RPH3A: variants seen among roughly 807,000 people sequenced by gnomAD.
The protein encoded by RPH3A is rabphilin 3A.
RPH3A carries 48 observed loss-of-function variants against 102.2 expected under a neutral mutation model. The ratio of observed to expected loss-of-function variants is 0.47; its 90% CI spans 0.37 to 0.60. The LOEUF (loss-of-function observed/expected upper bound fraction) is 0.60, where lower values mean the gene tolerates loss of function less well. Among genes scored for constraint, RPH3A ranks in the 20% least tolerant of loss-of-function variants. The pLI is 0.00. For missense variants in RPH3A, 781 were observed against 910.1 expected, an observed-to-expected ratio of 0.86 and a Z score of 1.83; for synonymous variants, 310 against 324.3, an observed-to-expected ratio of 0.96 and a Z score of 0.47.
chr12:112,762,488 C>T (rs2189271), intron 1 of RPH3A, among the ~76,000 whole-genome samples: 85,240 of 151,936 alleles, frequency 0.56, 24,082 homozygotes, highest in East Asian at 0.79. Flanking sequence ...CCTTGCAAAC[C>T]CCATTTTCTC....
intron 19 of RPH3A, chr12:112,891,259 C>T: frequency 2.0e-6 from 1 of 498,698 alleles, no homozygotes. Flanking sequence ...CTGCTGATGG[C>T]TCTGCAACTA....
intron 2 of RPH3A, among the ~76,000 whole-genome samples, chr12:112,826,757 C>T (rs764383703): frequency 3.9e-5 from 6 of 152,178 alleles, no homozygotes; most frequent in South Asian, 2.1e-4. Flanking sequence ...GTGTTACATG[C>T]GCTGTATCAG....
intron 2 of RPH3A, among the ~76,000 whole-genome samples, chr12:112,809,902 G>A (rs1018874396): frequency 1.8e-4 from 27 of 152,176 alleles, no homozygotes; most frequent in South Asian, 8.3e-4. Context: ...ACCTTTCCCC[G>A]CCTCCTCTTA....
chr12:112,596,536 G>A (rs189748306), intron 1 of RPH3A, among the ~76,000 whole-genome samples: 12 of 152,308 alleles, frequency 7.9e-5, no homozygotes, highest in African/African-American at 2.4e-4. Flanking sequence ...TCGGGTGACT[G>A]GATGTGTGTG....
At chr12:112,788,768 A>G (rs2041067826), upstream of RPH3A, among the ~76,000 whole-genome samples, 1 of 152,154 alleles carries the variant, frequency 6.6e-6, no homozygotes, top group South Asian at 2.1e-4. Context: ...TGGGATTGGA[A>G]GCCAAGAGGC....
chr12:112,821,018 A>G (rs1341671380), intron 2 of RPH3A, among the ~76,000 whole-genome samples: 1 of 152,212 alleles, frequency 6.6e-6, no homozygotes, highest in Non-Finnish European at 1.5e-5. Context: ...AGTCGGCTTC[A>G]GGGAAGGCTG....
At chr12:112,678,881 G>A (rs73417179) in intron 1 of RPH3A, among the ~76,000 whole-genome samples, 9,520 of 152,180 alleles carry the variant, frequency 0.063, 978 homozygotes, top group African/African-American at 0.21. Context: ...ATAGAGCCCT[G>A]GAGCCTGTGA....
intron 1 of RPH3A, among the ~76,000 whole-genome samples, chr12:112,696,335 T>C (rs1490452343): frequency 6.6e-6 from 1 of 152,242 alleles, no homozygotes; most frequent in East Asian, 1.9e-4. Context: ...CTTCTTTTCC[T>C]TTGGGTAGAT....
At chr12:112,828,511 G>A (rs1265686753) in intron 3 of RPH3A, 122 bp downstream of exon 3, 5 of 697,168 alleles carry the variant, frequency 7.2e-6, no homozygotes, top group African/African-American at 1.8e-5. Flanking sequence ...GAACCTAATG[G>A]GAGTTTAGTC....
At chr12:112,878,431 G>C (rs1194624974) in intron 13 of RPH3A, among the ~76,000 whole-genome samples, 1 of 152,046 alleles carries the variant, frequency 6.6e-6, no homozygotes, top group Non-Finnish European at 1.5e-5. Context: ...ATGGTTTATT[G>C]AGCATGTACA....
intron 4 of RPH3A, among the ~76,000 whole-genome samples, chr12:112,845,261 C>G (rs1289687219): frequency 6.6e-6 from 1 of 152,134 alleles, no homozygotes; most frequent in Non-Finnish European, 1.5e-5. Context: ...TTGCTCTACT[C>G]CAGCCTTTTT....
intron 3 of RPH3A, among the ~76,000 whole-genome samples, chr12:112,834,364 C>G (rs779940329): frequency 6.6e-6 from 1 of 152,148 alleles, no homozygotes; most frequent in Non-Finnish European, 1.5e-5. Flanking sequence ...TGCCACAGTT[C>G]ATTTACTCAT....
At chr12:112,706,435 T>C (rs1157318347) in intron 1 of RPH3A, among the ~76,000 whole-genome samples, 1 of 152,178 alleles carries the variant, frequency 6.6e-6, no homozygotes, top group Non-Finnish European at 1.5e-5. Context: ...CTTCCTTCTA[T>C]TCTCTTCTCC....
intron 1 of RPH3A, among the ~76,000 whole-genome samples, chr12:112,581,138 T>A (rs1296156006): frequency 2.0e-5 from 3 of 152,204 alleles, no homozygotes; most frequent in Non-Finnish European, 4.4e-5. Flanking sequence ...TATTAGTCTG[T>A]TCTCATGCTG....
intron 1 of RPH3A, among the ~76,000 whole-genome samples, chr12:112,688,762 A>C (rs1249245298): frequency 2.0e-5 from 3 of 152,184 alleles, no homozygotes; most frequent in Non-Finnish European, 4.4e-5. Context: ...TTTCATTAGG[A>C]GGTATGTCAA....
At chr12:112,769,768 C>G (rs1252339029) in intron 1 of RPH3A, among the ~76,000 whole-genome samples, 2 of 152,134 alleles carry the variant, frequency 1.3e-5, no homozygotes, top group Non-Finnish European at 2.9e-5. Context: ...TTTCTGAACC[C>G]TTTAATGAAG....
intron 2 of RPH3A, among the ~76,000 whole-genome samples, chr12:112,808,534 C>A (rs983806438): frequency 1.3e-5 from 2 of 152,198 alleles, no homozygotes; most frequent in Non-Finnish European, 2.9e-5. Context: ...TCAGCCTCCC[C>A]TGGCTTTCCC....
intron 1 of RPH3A, among the ~76,000 whole-genome samples, chr12:112,640,574 T>C (rs569758051): frequency 6.6e-6 from 1 of 152,204 alleles, no homozygotes; most frequent in African/African-American, 2.4e-5. Context: ...CCAGTAAATA[T>C]TTTTTGAATT....
At chr12:112,718,083 C>T (rs1592960844) in intron 1 of RPH3A, 2 of 152,164 alleles carry the variant, frequency 1.3e-5, no homozygotes, top group South Asian at 2.1e-4. Flanking sequence ...TTGCTATCCA[C>T]ACAGGTAAGG....
Sources: allele counts gnomAD v4.1 joint callset (sites outside exome capture counted in the v4.1 genomes callset), GRCh38; gene constraint gnomAD v4.1.1; transcripts MANE v1.5; gene names NCBI Gene and HGNC (gene_info 2026-07-23, HGNC 2026-07-21).